Variants in STAT6 observed in about 807,000 individuals in gnomAD.
STAT6 encodes signal transducer and activator of transcription 6.
A neutral mutation model predicts 106.3 loss-of-function variants in STAT6; 45 were observed. The ratio of observed to expected loss-of-function variants is 0.42; its 90% CI spans 0.33 to 0.54. STAT6 has a LOEUF of 0.54. Among genes scored for constraint, STAT6 ranks in the 20% least tolerant of loss-of-function variants. The pLI, the probability that STAT6 is intolerant of heterozygous loss-of-function variation, is 0.06. For synonymous variants in STAT6, 413 were observed against 413.6 expected (o/e 1.00, Z 0.02); for missense variants, 797 against 1,062.2 (o/e 0.75, Z 3.47).
Position 57,096,268 on chromosome 12 carries a change from T to G in STAT6, c.*304A>C. Reference sequence around the variant, plus strand: ...GCCCCATCACCCTCAGAGAGCTCTGTATGTGTGTGTGCGTGCGTGTGCGCG... The same window carrying G: ...GCCCCATCACCCTCAGAGAGCTCTGGATGTGTGTGTGCGTGCGTGTGCGCG... On this transcript the variant is annotated 3_prime_UTR_variant, in exon 22 of 22. Coordinates refer to ENST00000300134, the MANE Select transcript of STAT6 (RefSeq NM_003153.5). 3 of 345,480 alleles carry G rather than the reference T, an allele frequency of 8.7e-6. No individual in the cohort carries two copies. Among genetic ancestry groups the G allele is most frequent in the East Asian group, 6.2e-5 (1 of 16,116 alleles). 21.4% of individuals were successfully genotyped at this position (345,480 alleles called of 1,614,324 possible).
At position 57,099,924 on chromosome 12, in the gene STAT6, G is replaced by A; in HGVS notation, c.1608-21C>T. The stretch of plus-strand genomic sequence containing the variant: ...TCAGCCTGGCCGGGATGAAGGAGAG[G>A]ATGGGGCATGGGCAGTGAGTATGGA... On this transcript the variant is annotated intron_variant, in intron 14 of 21. Transcript: ENST00000300134. The surrounding 1 kb of genome is among the most constrained non-coding windows in gnomAD (Gnocchi z 4.7). 1 of 1,614,226 alleles carries A rather than the reference G, an allele frequency of 6.2e-7. No homozygotes were observed. The highest frequency in any genetic ancestry group is 2.2e-5 in the East Asian group (1 of 44,878).
At position 57,100,014 on chromosome 12, in the gene STAT6, C is replaced by G; in HGVS notation, c.1589G>C (p.Arg530Pro). 6.2e-7 allele frequency: 1 copy of G among 1,613,350 alleles called. No homozygotes were observed. Among genetic ancestry groups the G allele is most frequent in the Non-Finnish European group, 8.5e-7 (1 of 1,179,692 alleles). The change falls in exon 14 of 22, where the codon CGG (arginine) becomes CCG (proline). Residue 530 changes from arginine (R) to proline (P), a missense_variant. By Grantham distance (103) the Arg-to-Pro change is moderately radical (BLOSUM62 -2). Transcript: ENST00000300134. ...GVLDLTKRCL[R>P]SYWSDRLIIG... is the part of the protein sequence containing the mutation. ...GACTCACCGGTCAGACCAGTAGCTCCGGAGACAGCGTTTGGTGAGGTCCAG... is the reference window on the plus strand; with the variant it reads ...GACTCACCGGTCAGACCAGTAGCTCGGGAGACAGCGTTTGGTGAGGTCCAG...
intron 19 of STAT6, among the ~76,000 whole-genome samples, chr12:57,097,627 TA>T (rs1439540878): frequency 6.6e-6 from 1 of 152,154 alleles, no homozygotes; most frequent in African/African-American, 2.4e-5. Context: ...AGTGGTCCCA[TA>T]AGATTATAAT....
intron 1 of STAT6, among the ~76,000 whole-genome samples, chr12:57,109,636 C>T (rs1010500033): frequency 5.3e-5 from 8 of 151,794 alleles, no homozygotes; most frequent in Admixed American, 2.0e-4. Context: ...GGAAAAAAGG[C>T]GGGTTTAGTA....
rs745547756 is a variant in STAT6, at chr12:57,106,682, C to G, written c.478+11G>C. On this transcript the variant is annotated intron_variant, in intron 5 of 21. Coordinates refer to ENST00000300134, the MANE Select transcript of STAT6 (RefSeq NM_003153.5). ...CTCCTACACACTCCCCAGAACCACCCTGGCCCCCACCTTGGCCAGCCTCAG... is the reference window on the plus strand; with the variant it reads ...CTCCTACACACTCCCCAGAACCACCGTGGCCCCCACCTTGGCCAGCCTCAG... 1 of 1,614,108 alleles carries G rather than the reference C, an allele frequency of 6.2e-7. No homozygotes were observed. Among genetic ancestry groups the G allele is most frequent in the South Asian group, 1.1e-5 (1 of 91,080 alleles).
rs1390892842 is a variant in STAT6, at chr12:57,106,220, A to T, written c.651T>A (p.Phe217Leu). The T allele has an allele frequency of 6.2e-7, 1 of 1,614,100 alleles. No homozygotes were observed. Among genetic ancestry groups the T allele is most frequent in the East Asian group, 2.2e-5 (1 of 44,878 alleles). Residue 217 changes from phenylalanine to leucine, a missense_variant, in exon 7 of 22, where the codon TTT becomes TTA. Coordinates refer to ENST00000300134, the MANE Select transcript of STAT6 (RefSeq NM_003153.5). ...QQQLAGNGAP[F>L]EESLAPLQER... Reference sequence around the variant, plus strand: ...CCTGGAGTGGGGCCAGGCTCTCCTCAAACGGTGCGCCATTCCCTGCCAGCT... The same window carrying T: ...CCTGGAGTGGGGCCAGGCTCTCCTCTAACGGTGCGCCATTCCCTGCCAGCT...
rs780257871 is a variant in STAT6 at position 57,107,724 on chromosome 12, C to T, written c.136G>A (p.Asp46Asn). 1.9e-5 allele frequency: 31 copies of T among 1,613,982 alleles called. No individual in the cohort carries two copies. Among genetic ancestry groups the T allele is most frequent in the Admixed American group, 3.3e-5 (2 of 60,006 alleles). ...SQPWEFLVGS[D>N]AFCCNLASAL... ...CTAGCCAAGTTGCAGCAGAAGGCGTCGGAGCCGACCAGGAACTCCCTGCAG... is the reference window on the plus strand; with the variant it reads ...CTAGCCAAGTTGCAGCAGAAGGCGTTGGAGCCGACCAGGAACTCCCTGCAG... Residue 46 changes from aspartate (D) to asparagine (N), a missense_variant, in exon 3 of 22, where the codon GAC (aspartate) becomes AAC (asparagine). Around this residue, in one of 4 missense-constraint regions of STAT6, gnomAD observed 336 missense variants for 429.8 expected, o/e 0.78. Coordinates refer to ENST00000300134, the MANE Select transcript of STAT6 (RefSeq NM_003153.5).
intron 11 of STAT6, 43 bp from the exon 12 acceptor site, chr12:57,102,964 CCTTTTTTTTTTTTTTTTTTTTTTTTTT>C: frequency 5.7e-5 from 16 of 279,898 alleles, no homozygotes; most frequent in Middle Eastern, 1.2e-3. Context: ...TTCTTTCTTT[CCTTTTTTTTTTTTTTTTTTTTTTTTTT>C]TTTTTTTTTT....
intron 7 of STAT6, 136 bp downstream of exon 7, chr12:57,106,055 T>C: frequency 6.9e-7 from 1 of 1,448,090 alleles, no homozygotes; most frequent in South Asian, 1.4e-5. Flanking sequence ...ACAGCCCCGC[T>C]GGAACTGGCT....
Position 57,106,735 on chromosome 12 carries a change from G to A in STAT6, c.436C>T (p.Leu146Phe), listed in dbSNP as rs1387979430. 3 of 1,614,182 alleles carry A rather than the reference G, an allele frequency of 1.9e-6. No homozygotes were observed. Among genetic ancestry groups the A allele is most frequent in the Non-Finnish European group, 2.5e-6 (3 of 1,180,032 alleles). ...CCCTTCTGCAGGGCTTCTCGGAGAA[G>A]GTGGATCTCCCCTACTCGGTGCTGC... ...RLQHRVGEIHLLREALQKGAE... is the reference protein window; with the variant it reads ...RLQHRVGEIHFLREALQKGAE... The change falls in exon 5 of 22, where the codon CTT becomes TTT. Residue 146 changes from leucine to phenylalanine, a missense_variant. Coordinates refer to ENST00000300134, the MANE Select transcript of STAT6 (RefSeq NM_003153.5).
chr12:57,106,929 C>T lies in STAT6; in HGVS notation c.340-98G>A, dbSNP rs2034318592. On this transcript the variant is annotated intron_variant, in intron 4 of 21. Coordinates refer to ENST00000300134, the MANE Select transcript of STAT6 (RefSeq NM_003153.5). Reference sequence around the variant, plus strand: ...CTCTGCAGATAGCGTTTTCTTGTTCCCCTCTCCCCTTTGGCAGTTCTTCCT... The same window carrying T: ...CTCTGCAGATAGCGTTTTCTTGTTCTCCTCTCCCCTTTGGCAGTTCTTCCT... The T allele has an allele frequency of 2.5e-5, 38 of 1,546,592 alleles. No homozygotes were observed. In the East Asian group the frequency reaches 8.6e-4, roughly 35 times the overall value.
At position 57,102,832 on chromosome 12, in the gene STAT6, C is replaced by T. The variant is rs11172101; in HGVS notation, c.1302G>A (p.Glu434=). 6.2e-5 allele frequency: 100 copies of T among 1,613,514 alleles called. No homozygotes were observed. Among genetic ancestry groups the T allele is most frequent in the Middle Eastern group, 1.6e-4 (1 of 6,082 alleles). Residue 434 remains glutamate (E), a synonymous_variant, in exon 12 of 22, where the codon GAG becomes GAA. Coordinates refer to ENST00000300134, the MANE Select transcript of STAT6 (RefSeq NM_003153.5). The stretch of plus-strand genomic sequence containing the variant: ...CCAACTCCAGGACTTTCCTCACCAT[C>T]TCAGAGAAGGCATTGTCCCACAGGA... ...ATILWDNAFS[E]MDRVPFVVAE... is the part of the protein sequence containing the mutation.
At chr12:57,098,624 T>A (rs2033610076) in intron 18 of STAT6, 27 bp from the exon 19 acceptor site, 2 of 1,607,944 alleles carry the variant, frequency 1.2e-6, no homozygotes, top group South Asian at 2.2e-5. Context: ...GACCCCCTGA[T>A]GCCAGCCCTT....
At chr12:57,105,437 C>T in intron 8 of STAT6, 31 bp downstream of exon 8, 1 of 1,613,588 alleles carries the variant, frequency 6.2e-7, no homozygotes, top group East Asian at 2.2e-5. Context: ...GAGGTCTGTT[C>T]TAGGCCAGAC....
In STAT6 at chr12:57,102,468, C is replaced by T. The variant is rs751498082; in HGVS notation, c.1334G>A (p.Arg445Gln). The change falls in exon 13 of 22, where the codon CGG becomes CAG. Residue 445 changes from arginine (R) to glutamine (Q), a missense_variant. By Grantham distance (43) the Arg-to-Gln change is conservative. Coordinates refer to ENST00000300134, the MANE Select transcript of STAT6 (RefSeq NM_003153.5). ...TTCACACATCTTCTCCCAGGGCACC[C>T]GCTCAGCCACCACAAAGGGCACGCG... is the stretch of plus-strand genomic sequence containing the variant. ...MDRVPFVVAE[R>Q]VPWEKMCETL... 6 of 1,613,632 alleles carry T rather than the reference C, an allele frequency of 3.7e-6. No individual in the cohort carries two copies. The highest frequency in any genetic ancestry group is 4.2e-6 in the Non-Finnish European group (5 of 1,180,008).
In STAT6 at chr12:57,104,593, G is replaced by A; in HGVS notation, c.1090-7C>T. The A allele has an allele frequency of 6.2e-7, 1 of 1,614,010 alleles. No homozygotes were observed. Among genetic ancestry groups the A allele is most frequent in the Non-Finnish European group, 8.5e-7 (1 of 1,179,946 alleles). On this transcript the variant is annotated splice_region_variant and splice_polypyrimidine_tract_variant and intron_variant, in intron 10 of 21. Coordinates refer to ENST00000300134, the MANE Select transcript of STAT6 (RefSeq NM_003153.5). ...GCTTGATCTTCTTGAGAAGCTGTGGGTGGGGTGAGGGAGAGCAAGGGCGAG... is the reference window on the plus strand; with the variant it reads ...GCTTGATCTTCTTGAGAAGCTGTGGATGGGGTGAGGGAGAGCAAGGGCGAG...
chr12:57,102,772 T>C lies in STAT6; in HGVS notation c.1305+57A>G, dbSNP rs533631680. 2.8e-5 allele frequency: 40 copies of C among 1,415,534 alleles called. No homozygotes were observed. The African/African-American group carries it at 4.7e-4, about 16-fold the overall frequency. The allele number at this position is 1,415,534 out of a possible 1,614,324, so 87.7% of individuals were successfully genotyped here. A position where few individuals can be genotyped will look rare whatever the true frequency, so the allele number is the denominator to read the frequency against. The stretch of plus-strand genomic sequence containing the variant: ...CACCCCATCAGCAGGCCTGCACCAC[T>C]GCCCATGTTAGAACCCACCCTGCCC... On this transcript the variant is annotated intron_variant, in intron 12 of 21. Coordinates refer to ENST00000300134, the MANE Select transcript of STAT6 (RefSeq NM_003153.5).
In STAT6 at chr12:57,096,655, G is replaced by A; in HGVS notation, c.2461C>T (p.Gln821Ter). ...TAGTGGGAGGGCTGCAGGAGGGGCT[G>A]TGCCCCCAAGGACCCTCCCCCCGAC... Reference protein sequence around the residue: ...GESGGGSLGAQPLLQPSHYGQ... With the variant: ...GESGGGSLGA Residue 821 changes from glutamine (Q) to a stop codon, truncating the protein, a stop_gained, in exon 22 of 22, where the codon CAG becomes TAG. Coordinates refer to ENST00000300134, the MANE Select transcript of STAT6 (RefSeq NM_003153.5). LOFTEE classifies it high-confidence loss of function. 2 of 1,607,698 alleles carry A rather than the reference G, an allele frequency of 1.2e-6. No homozygotes were observed. The highest frequency in any genetic ancestry group is 1.7e-6 in the Non-Finnish European group (2 of 1,177,956).
intron 13 of STAT6, among the ~76,000 whole-genome samples, chr12:57,100,688 GAAAGAAAGAAAGAGAAAGAAAGAAAGAA>G (rs1384047404): frequency 0.087 from 5,277 of 60,718 alleles, 141 homozygotes; most frequent in Middle Eastern, 0.14. Flanking sequence ...AAGAAAGAAA[GAAAGAAAGAAAGAGAAAGAAAGAAAGAA>G]AGAAAGAAAG....
Sources: gnomAD v4.1 joint callset for allele counts (sites outside exome capture counted in the v4.1 genomes callset) on GRCh38, gnomAD v4.1.1 for gene constraint, gnomAD v4.1.1 regional missense constraint, Gnocchi (gnomAD v3.1) non-coding constraint, MANE v1.5 for transcripts, NCBI Gene and HGNC (gene_info 2026-07-23, HGNC 2026-07-21) for gene names.